The following LOC112694756 variants were observed in gnomAD, a reference collection of about 807,000 sequenced individuals.
the LOC112694756 span, among the ~76,000 whole-genome samples, chr16:30,062,581 G>T: frequency 3.3e-5 from 5 of 151,562 alleles, no homozygotes; most frequent in Admixed American, 3.3e-4. Flanking sequence ...GGTGGTTCAT[G>T]CCTGTAATCC....
the LOC112694756 span, chr16:30,067,798 C>G: frequency 3.1e-6 from 3 of 965,168 alleles, no homozygotes. Flanking sequence ...AGGGCATTTA[C>G]TCGACATTTT....
chr16:30,067,015 C>T, the LOC112694756 span: 1 of 1,572,992 alleles, frequency 6.4e-7, no homozygotes, highest in East Asian at 2.4e-5. Flanking sequence ...GGGCAACACC[C>T]AGCACCAGAC....
At chr16:30,069,897 G>A in the LOC112694756 span, 4 of 1,614,170 alleles carry the variant, frequency 2.5e-6, no homozygotes, top group Admixed American at 6.7e-5. Flanking sequence ...CCATTAACAA[G>A]TGCCCCCTGC....
chr16:30,056,967 A>G, the LOC112694756 span, among the ~76,000 whole-genome samples: 2 of 145,248 alleles, frequency 1.4e-5, no homozygotes, highest in South Asian at 2.2e-4. Context: ...CTGGAGTGCA[A>G]TGGTGCAATC....
the LOC112694756 span, among the ~76,000 whole-genome samples, chr16:30,059,534 CTT>C: frequency 1.1e-4 from 16 of 141,114 alleles, no homozygotes; most frequent in Admixed American, 2.9e-4. Flanking sequence ...ATCTCTCTTT[CTT>C]TTTTTTTTTT....
chr16:30,054,010 A>G, the LOC112694756 span, among the ~76,000 whole-genome samples: 16 of 152,122 alleles, frequency 1.1e-4, no homozygotes, highest in South Asian at 3.1e-3. Flanking sequence ...CCTGGGTGAC[A>G]GAGTGAGACA....
At chr16:30,063,439 G>A in the LOC112694756 span, among the ~76,000 whole-genome samples, 2 of 152,066 alleles carry the variant, frequency 1.3e-5, no homozygotes, top group African/African-American at 4.8e-5. Context: ...ATTCTAGCAC[G>A]GGACCCAGGG....
chr16:30,055,131 C>G, the LOC112694756 span: 1 of 399,170 alleles, frequency 2.5e-6, no homozygotes, highest in Non-Finnish European at 4.4e-6. Context: ...TTGGCTGTCA[C>G]TACCTGCTGC....
At chr16:30,067,523 G>A in the LOC112694756 span, 8 of 1,613,818 alleles carry the variant, frequency 5.0e-6, no homozygotes, top group Non-Finnish European at 6.8e-6. Flanking sequence ...ACCGCCAGCT[G>A]CTGCTGACAG....
the LOC112694756 span, chr16:30,055,306 C>A: frequency 2.5e-6 from 1 of 399,204 alleles, no homozygotes; most frequent in Non-Finnish European, 4.4e-6. Flanking sequence ...TGGATGCTTG[C>A]TGCCCCCAGC....
the LOC112694756 span, among the ~76,000 whole-genome samples, chr16:30,061,144 T>C: frequency 6.6e-6 from 1 of 152,268 alleles, no homozygotes; most frequent in Non-Finnish European, 1.5e-5. Context: ...CCTAAGGCAG[T>C]TGCGGGTCAT....
At chr16:30,064,253 G>C in the LOC112694756 span, 1 of 394,682 alleles carries the variant, frequency 2.5e-6, no homozygotes, top group Admixed American at 4.4e-5. Flanking sequence ...TAGGAGGTGA[G>C]TGTAGTGCCA....
At chr16:30,066,491 G>A in the LOC112694756 span, among the ~76,000 whole-genome samples, 1 of 152,254 alleles carries the variant, frequency 6.6e-6, no homozygotes, top group East Asian at 1.9e-4. Flanking sequence ...TGCCCCGTAG[G>A]AACAGTGACG....
At chr16:30,069,850 G>A in the LOC112694756 span, 1 of 1,614,168 alleles carries the variant, frequency 6.2e-7, no homozygotes, top group Non-Finnish European at 8.5e-7. Context: ...CCTGTCTGGA[G>A]GCCAGAGTGA....
the LOC112694756 span, chr16:30,064,749 G>A: frequency 7.1e-6 from 2 of 281,076 alleles, no homozygotes; most frequent in Admixed American, 5.3e-5. Context: ...ACTCGCTGCT[G>A]ACCAGGCTCT....
At chr16:30,068,719 T>A in the LOC112694756 span, 1 of 1,614,242 alleles carries the variant, frequency 6.2e-7, no homozygotes, top group South Asian at 1.1e-5. Flanking sequence ...TGTTTGATTC[T>A]CTGCCCTACG....
the LOC112694756 span, chr16:30,055,108 C>T: frequency 7.5e-6 from 3 of 398,944 alleles, no homozygotes; most frequent in East Asian, 7.1e-5. Flanking sequence ...CCTTTCCCCT[C>T]GGGAAAGCTG....
chr16:30,069,289 T>TG, the LOC112694756 span: 13 of 1,613,900 alleles, frequency 8.1e-6, no homozygotes, highest in Non-Finnish European at 1.1e-5. Context: ...ACAGTGACCC[T>TG]GTCCCTCGCC....
At chr16:30,068,735 A>G in the LOC112694756 span, 1 of 1,614,218 alleles carries the variant, frequency 6.2e-7, no homozygotes, top group Non-Finnish European at 8.5e-7. Context: ...CTACGAACCC[A>G]ACCAGAGCAG....
Sources: gnomAD v4.1 joint callset for allele counts (sites outside exome capture counted in the v4.1 genomes callset) on GRCh38, gnomAD v4.1.1 for gene constraint, MANE v1.5 for transcripts.